ATP8A2: variants seen among roughly 807,000 people sequenced by gnomAD.
ATP8A2 encodes phospholipid-transporting ATPase IB.
Under a neutral mutation model 165.6 loss-of-function variants are expected in ATP8A2, and 100 were observed. That is an observed-to-expected ratio of 0.60 (90% CI 0.51 to 0.71). The LOEUF (loss-of-function observed/expected upper bound fraction) is 0.71. Ranked by LOEUF, ATP8A2 falls within the 30% of genes least tolerant of loss-of-function variation. ATP8A2 has a pLI of 0.00. For missense variants in ATP8A2, 1,227 were observed against 1,479.5 expected (o/e 0.83, Z 2.80); for synonymous variants, 543 against 548.8 (o/e 0.99, Z 0.15).
rs1054959409 is a variant in ATP8A2, at chr13:25,860,667, A to G, written c.3019-137A>G. Reference sequence around the variant, plus strand: ...GAAAATAACCCTTAGAGAATTAGCTACTGACATGGCTGGTGCTTTCAAACC... The same window carrying G: ...GAAAATAACCCTTAGAGAATTAGCTGCTGACATGGCTGGTGCTTTCAAACC... On this transcript the variant is annotated intron_variant, in intron 31 of 36. Transcript: ENST00000381655. 1.6e-5 allele frequency: 11 copies of G among 667,018 alleles called. No homozygotes were observed. In the East Asian group the frequency reaches 3.0e-4, roughly 18 times the overall value. 41.3% of individuals were successfully genotyped at this position (667,018 alleles called of 1,614,324 possible). A position where few individuals can be genotyped will look rare whatever the true frequency, so the allele number is the denominator to read the frequency against.
At chr13:26,005,436 T>C (rs1462411340) in intron 35 of ATP8A2, among the ~76,000 whole-genome samples, 1 of 152,082 alleles carries the variant, frequency 6.6e-6, no homozygotes, top group Non-Finnish European at 1.5e-5. Flanking sequence ...AGTCTCTGTT[T>C]CATTTATTTC....
At chr13:25,408,305 T>G (rs972583261) in intron 1 of ATP8A2, among the ~76,000 whole-genome samples, 2 of 151,556 alleles carry the variant, frequency 1.3e-5, no homozygotes, top group African/African-American at 4.9e-5. Context: ...AGGCAGGGGG[T>G]TTGCTTGAAC....
chr13:25,986,748 G>A (rs1406825954), intron 35 of ATP8A2, among the ~76,000 whole-genome samples: 4 of 152,160 alleles, frequency 2.6e-5, no homozygotes, highest in Non-Finnish European at 5.9e-5. Flanking sequence ...TGAGTCATAT[G>A]CTTATTCTCT....
At chr13:25,443,797 C>T (rs539530854) in intron 1 of ATP8A2, among the ~76,000 whole-genome samples, 44 of 152,308 alleles carry the variant, frequency 2.9e-4, no homozygotes, top group Middle Eastern at 3.4e-3. Context: ...CTGTTTTGTT[C>T]CTTGTTGTGG....
At position 26,012,576 on chromosome 13, in the gene ATP8A2, G is replaced by A. The variant is rs1401971972; in HGVS notation, c.3423G>A (p.Thr1141=). Residue 1141 remains threonine (T), a synonymous_variant, in exon 36 of 37, where the codon ACG becomes ACA. Coordinates refer to ENST00000381655, the MANE Select transcript of ATP8A2 (RefSeq NM_016529.6). ...DRLIKRLGRK[T]PPTLFRGSSL... ...TGATCAAGAGGCTGGGCCGGAAGAC[G>A]CCCCCGACGCTGTTCCGGGGCAGCT... is the stretch of plus-strand genomic sequence containing the variant. 4 of 1,529,130 alleles carry A rather than the reference G, an allele frequency of 2.6e-6. No individual in the cohort carries two copies. The highest frequency in any genetic ancestry group is 1.4e-5 in the African/African-American group (1 of 71,298). The allele number at this position is 1,529,130 out of a possible 1,614,324, so 94.7% of individuals were successfully genotyped here.
At chr13:25,457,030 A>C (rs1302408108) in intron 1 of ATP8A2, among the ~76,000 whole-genome samples, 1 of 152,212 alleles carries the variant, frequency 6.6e-6, no homozygotes, top group East Asian at 1.9e-4. Flanking sequence ...AAAGTTTACA[A>C]ATTTGTGTAG....
At chr13:25,934,931 G>A (rs1287915480) in intron 33 of ATP8A2, among the ~76,000 whole-genome samples, 11 of 152,162 alleles carry the variant, frequency 7.2e-5, no homozygotes, top group Non-Finnish European at 1.5e-4. Flanking sequence ...TGAATGAAGG[G>A]GCAAGACCAG....
intron 24 of ATP8A2, among the ~76,000 whole-genome samples, chr13:25,657,144 A>G (rs976132728): frequency 6.6e-6 from 1 of 151,628 alleles, no homozygotes; most frequent in African/African-American, 2.4e-5. Flanking sequence ...GGAAAAGCCT[A>G]GACTTAAGAC....
At chr13:25,737,219 C>G (rs184424293) in intron 25 of ATP8A2, among the ~76,000 whole-genome samples, 1 of 152,148 alleles carries the variant, frequency 6.6e-6, no homozygotes, top group Non-Finnish European at 1.5e-5. Context: ...TATGAGGAAA[C>G]GGGTCCTCAG....
chr13:25,574,767 T>A, intron 18 of ATP8A2, 41 bp from the exon 19 acceptor site: 1 of 1,177,240 alleles, frequency 8.5e-7, no homozygotes, highest in Non-Finnish European at 1.3e-6. Context: ...GAGATTTTAA[T>A]ACTTTGCACC....
chr13:25,612,981 T>C (rs1461950077), intron 24 of ATP8A2, among the ~76,000 whole-genome samples: 2 of 152,086 alleles, frequency 1.3e-5, no homozygotes, highest in Admixed American at 6.6e-5. Context: ...TGTCTGTTTT[T>C]TTCTACCCCT....
At chr13:25,832,515 A>G (rs1951505801) in intron 28 of ATP8A2, among the ~76,000 whole-genome samples, 2 of 152,222 alleles carry the variant, frequency 1.3e-5, no homozygotes, top group South Asian at 4.1e-4. Context: ...GTATGTGACA[A>G]AGTAAGATTT....
chr13:25,676,632 G>A (rs551366493), intron 24 of ATP8A2, among the ~76,000 whole-genome samples: 4 of 152,222 alleles, frequency 2.6e-5, no homozygotes, highest in African/African-American at 9.6e-5. Flanking sequence ...AAAAAAGGTT[G>A]AAGTTTGCCA....
At chr13:25,577,180 A>G in intron 20 of ATP8A2, 42 bp downstream of exon 20, 1 of 1,535,122 alleles carries the variant, frequency 6.5e-7, no homozygotes, top group Non-Finnish European at 9.0e-7. Flanking sequence ...AGTTCTTGGC[A>G]GCTTTGTTAA....
intron 25 of ATP8A2, among the ~76,000 whole-genome samples, chr13:25,756,902 G>A (rs1396638325): frequency 6.6e-6 from 1 of 152,196 alleles, no homozygotes; most frequent in African/African-American, 2.4e-5. Context: ...TCACAGAGGA[G>A]GAAAAAGAGG....
At chr13:25,921,580 G>C (rs306411) in intron 33 of ATP8A2, among the ~76,000 whole-genome samples, 2 of 149,304 alleles carry the variant, frequency 1.3e-5, no homozygotes, top group Admixed American at 1.3e-4. Flanking sequence ...CCAAGATTGC[G>C]CCATTGCACT....
chr13:25,750,843 C>G lies in ATP8A2; in HGVS notation c.2385-18203C>G, dbSNP rs148812409. 1.0e-3 allele frequency among the ~76,000 whole-genome samples: 159 copies of G among 152,176 alleles called. 4 individuals carry two copies. The East Asian group carries it at 0.027, about 26-fold the overall frequency. Reference sequence around the variant, plus strand: ...TTTTTGGAATTACACGTGTAGTTCACTAAAGTATTCCTAGTGACAACATAG... The same window carrying G: ...TTTTTGGAATTACACGTGTAGTTCAGTAAAGTATTCCTAGTGACAACATAG... On this transcript the variant is annotated intron_variant, in intron 25 of 36. Transcript: ENST00000381655. This position sits in a 1 kb window ranked among gnomAD's most constrained non-coding sequence, Gnocchi z 4.3.
rs551251690 is a variant in ATP8A2 at position 26,013,666 on chromosome 13, C to T, written c.3469+1044C>T. On this transcript the variant is annotated intron_variant, in intron 36 of 36. Coordinates refer to ENST00000381655, the MANE Select transcript of ATP8A2 (RefSeq NM_016529.6). ...TCCAGCCTGGGCAACAAGAGCGAAA[C>T]TTGGTCTCAAAAAAAAAAAAAAAGA... Among the ~76,000 whole-genome samples the T allele has an allele frequency of 3.4e-4, 36 of 106,356 alleles. No individual in the cohort carries two copies. The Admixed American group carries it at 3.9e-3, about 11-fold the overall frequency. The allele number at this position is 106,356 out of a possible 152,430, so 69.8% of individuals were successfully genotyped here. A position where few individuals can be genotyped will look rare whatever the true frequency, so the allele number is the denominator to read the frequency against.
At chr13:25,706,834 A>T (rs1181932996) in intron 25 of ATP8A2, among the ~76,000 whole-genome samples, 3 of 152,046 alleles carry the variant, frequency 2.0e-5, no homozygotes, top group Non-Finnish European at 2.9e-5. Flanking sequence ...CCATTTGTTG[A>T]TTGCATGCAA....
Sources: allele counts gnomAD v4.1 joint callset (sites outside exome capture counted in the v4.1 genomes callset), GRCh38; gene constraint gnomAD v4.1.1; non-coding constraint Gnocchi (gnomAD v3.1); transcripts MANE v1.5; gene names NCBI Gene and HGNC (gene_info 2026-07-23, HGNC 2026-07-21).